The following POLR3A variants were observed in gnomAD, a reference collection of about 807,000 sequenced individuals.
The protein encoded by POLR3A is DNA-directed RNA polymerase III subunit RPC1.
POLR3A carries 112 observed loss-of-function variants against 152.8 expected under a neutral mutation model. That is an observed-to-expected ratio of 0.73 (90% confidence interval 0.63 to 0.86). The LOEUF (loss-of-function observed/expected upper bound fraction) is 0.86, where lower values mean the gene tolerates loss of function less well. Ranked by LOEUF, POLR3A falls within the 40% of genes least tolerant of loss-of-function variation. The pLI is 0.00. For missense variants in POLR3A, 1,385 were observed against 1,743.1 expected, an observed-to-expected ratio of 0.79 and a Z score of 3.66; for synonymous variants, 615 against 652.1, an observed-to-expected ratio of 0.94 and a Z score of 0.87.
intron 11 of POLR3A, 144 bp downstream of exon 11, chr10:78,013,506 T>C (rs1011229761): frequency 7.7e-6 from 6 of 781,200 alleles, no homozygotes; most frequent in Admixed American, 5.7e-5. Flanking sequence ...AAGAGAGATA[T>C]ATAGGCAGTT....
Position 78,010,512 on chromosome 10 carries a change from T to C in POLR3A, c.1601A>G (p.Asn534Ser), listed in dbSNP as rs1346351612. Residue 534 changes from asparagine to serine, a missense_variant, in exon 12 of 31, where the codon AAT becomes AGT. Around this residue, in one of 7 missense-constraint regions of POLR3A, gnomAD observed 188 missense variants for 179.9 expected, o/e 1.04. Transcript: ENST00000372371. The stretch of plus-strand genomic sequence containing the variant: ...AATAGCAGCAATCAGCGGTTCCCCA[T>C]TCCTCGGGGTTACAAGATTTGCTTT... The part of the protein sequence containing the change: ...GTKANLVTPR[N>S]GEPLIAAIQD... The C allele has an allele frequency of 6.2e-7, 1 of 1,613,978 alleles. No homozygotes were observed. The highest frequency in any genetic ancestry group is 2.2e-5 in the East Asian group (1 of 44,886).
chr10:78,024,913 AAACAG>A lies in POLR3A; in HGVS notation c.490+53_490+57del, dbSNP rs1024221823. 1.6e-5 allele frequency: 26 copies of A among 1,590,552 alleles called. No individual in the cohort carries two copies. The African/African-American group carries it at 1.7e-4, about 11-fold the overall frequency. ...GAACATTATGTAAACCTAATAAACTAAACAGAAGACAGTGAGTGAAAAGGGCTATT... is the reference window on the plus strand; with the variant it reads ...GAACATTATGTAAACCTAATAAACTAAAGACAGTGAGTGAAAAGGGCTATT... On this transcript the variant is annotated intron_variant, in intron 4 of 30. Coordinates refer to ENST00000372371, the MANE Select transcript of POLR3A (RefSeq NM_007055.4).
rs1847307543 is a variant in POLR3A at position 77,996,908 on chromosome 10, C to T, written c.2616+3073G>A. On this transcript the variant is annotated intron_variant, in intron 19 of 30. Transcript: ENST00000372371. ...CCTTGATGAACATCGATGCAAAAAT[C>T]CTCAATAAAATACTGGCAAACCGAA... Among the ~76,000 whole-genome samples, 5 of 152,224 alleles carry T rather than the reference C, an allele frequency of 3.3e-5. No individual in the cohort carries two copies. The South Asian group carries it at 1.0e-3, about 32-fold the overall frequency.
chr10:77,980,262 C>G lies in POLR3A; in HGVS notation c.3903G>C (p.Leu1301=). 1 of 1,613,964 alleles carries G rather than the reference C, an allele frequency of 6.2e-7. No individual in the cohort carries two copies. Among genetic ancestry groups the G allele is most frequent in the Non-Finnish European group, 8.5e-7 (1 of 1,179,964 alleles). The stretch of plus-strand genomic sequence containing the variant: ...TGGCCAGGCCAAACCTAGTGATGCC[C>G]AGGACTTCACCCTGCGTCAAGGGAG... ...SDLMTYKGEV[L]GITRFGLAKM... The change falls in exon 30 of 31, where the codon CTG becomes CTC. Residue 1301 remains leucine, a synonymous_variant. Coordinates refer to ENST00000372371, the MANE Select transcript of POLR3A (RefSeq NM_007055.4).
intron 15 of POLR3A, 84 bp from the exon 16 acceptor site, chr10:78,004,972 AGTTT>A: frequency 7.7e-6 from 8 of 1,032,524 alleles, no homozygotes; most frequent in Non-Finnish European, 1.2e-5. Flanking sequence ...TGCTAGATAT[AGTTT>A]GTACTATATA....
intron 3 of POLR3A, 83 bp from the exon 4 acceptor site, chr10:78,025,225 T>C: frequency 6.8e-7 from 1 of 1,469,472 alleles, no homozygotes; most frequent in Admixed American, 1.7e-5. Context: ...CGCCCTGTTT[T>C]GTACCCTTAA....
Position 77,976,912 on chromosome 10 carries a change from T to G in POLR3A, c.*566A>C, listed in dbSNP as rs1847094812. 6.5e-6 allele frequency: 1 copy of G among 154,228 alleles called. No homozygotes were observed. The highest frequency in any genetic ancestry group is 2.4e-5 in the African/African-American group (1 of 41,466). The allele number at this position is 154,228 out of a possible 1,614,324, so 9.6% of individuals were successfully genotyped here. A position where few individuals can be genotyped will look rare whatever the true frequency, so the allele number is the denominator to read the frequency against. ...AGTGACGCTTACATGCTGACTTTCT[T>G]GGTTTCTATAGATGCTTGGTTTCAA... On this transcript the variant is annotated 3_prime_UTR_variant, in exon 31 of 31. Transcript: ENST00000372371.
intron 11 of POLR3A, 62 bp downstream of exon 11, chr10:78,013,588 G>C: frequency 6.3e-7 from 1 of 1,575,962 alleles, no homozygotes; most frequent in Non-Finnish European, 8.7e-7. Context: ...TTTCATGTAA[G>C]TTTCCTTTGC....
At position 78,021,774 on chromosome 10, in the gene POLR3A, C is replaced by G. The variant is rs577764208; in HGVS notation, c.1048+86G>C. 1.7e-4 allele frequency: 280 copies of G among 1,609,024 alleles called. 1 individual carries two copies. In the African/African-American group the frequency reaches 3.3e-3, roughly 19 times the overall value. Reference sequence around the variant, plus strand: ...GGAGAGACTGAGGAAAGCCTGTGACCTCCAATCAGAGAAGCTGGACAGACA... The same window carrying G: ...GGAGAGACTGAGGAAAGCCTGTGACGTCCAATCAGAGAAGCTGGACAGACA... On this transcript the variant is annotated intron_variant, in intron 7 of 30. Coordinates refer to ENST00000372371, the MANE Select transcript of POLR3A (RefSeq NM_007055.4).
At chr10:78,004,013 A>G (rs1029653138) in intron 16 of POLR3A, among the ~76,000 whole-genome samples, 1 of 150,464 alleles carries the variant, frequency 6.6e-6, no homozygotes, top group Non-Finnish European at 1.5e-5. Context: ...AGGTGGGCAG[A>G]TCACGAGGTC....
At chr10:77,984,172 G>C (rs778516074) in intron 25 of POLR3A, 33 bp downstream of exon 25, 1 of 1,438,436 alleles carries the variant, frequency 7.0e-7, no homozygotes, top group Non-Finnish European at 9.8e-7. Context: ...TGCTGAGCTA[G>C]TTTTCTTGTT....
chr10:77,992,253 T>C (rs1360390117), intron 20 of POLR3A, among the ~76,000 whole-genome samples: 3 of 150,598 alleles, frequency 2.0e-5, no homozygotes, highest in African/African-American at 7.4e-5. Flanking sequence ...GACTTTCAAC[T>C]GAAAACAACT....
chr10:78,023,336 T>C, intron 5 of POLR3A, among the ~76,000 whole-genome samples: 1 of 152,008 alleles, frequency 6.6e-6, no homozygotes, highest in East Asian at 1.9e-4. Context: ...GGCGGGCACT[T>C]GTAGTCCCAG....
At chr10:78,025,576 AT>A (rs769207967) in intron 3 of POLR3A, 45 bp downstream of exon 3, 1 of 1,607,932 alleles carries the variant, frequency 6.2e-7, no homozygotes, top group South Asian at 1.1e-5. Context: ...TCCCTGACCA[AT>A]CACTCCAGAA....
At chr10:78,005,975 C>CAAATGA (rs911843153) in intron 15 of POLR3A, among the ~76,000 whole-genome samples, 60 of 152,208 alleles carry the variant, frequency 3.9e-4, no homozygotes, top group African/African-American at 1.3e-3. Context: ...ACAAAAGACA[C>CAAATGA]AAATGCACAG....
chr10:77,993,205 T>G lies in POLR3A; in HGVS notation c.2779A>C (p.Asn927His). ...EPLEFKRVLD[N>H]IKAVFPCPSE... is the part of the protein sequence containing the mutation. ...ATAATGCTAAATCTTACTTTGATGT[T>G]GTCCAGAACCCTTTTAAACTCCAAA... The change falls in exon 20 of 31, where the codon AAC becomes CAC. Residue 927 changes from asparagine to histidine, a missense_variant. By Grantham distance (68) the Asn-to-His change is moderately conservative. Coordinates refer to ENST00000372371, the MANE Select transcript of POLR3A (RefSeq NM_007055.4). 1 of 1,613,168 alleles carries G rather than the reference T, an allele frequency of 6.2e-7. No individual in the cohort carries two copies. Among genetic ancestry groups the G allele is most frequent in the South Asian group, 1.1e-5 (1 of 91,072 alleles).
chr10:78,026,164 A>T lies in POLR3A; in HGVS notation c.110T>A (p.Val37Glu). ...GTCCTGGCTGTACAGGTTCTTACTCACAACTTGGATGTGCGCCTGCTGGCG... is the reference window on the plus strand; with the variant it reads ...GTCCTGGCTGTACAGGTTCTTACTCTCAACTTGGATGTGCGCCTGCTGGCG... ...EMRQQAHIQV[V>E]SKNLYSQDNQ... The change falls in exon 2 of 31, where the codon GTG (valine) becomes GAG (glutamate). Residue 37 changes from valine (V) to glutamate (E), a missense_variant. Around this residue, in one of 7 missense-constraint regions of POLR3A, gnomAD observed 493 missense variants for 647.5 expected, o/e 0.76. Transcript: ENST00000372371. The T allele has an allele frequency of 6.2e-7, 1 of 1,614,210 alleles. No individual in the cohort carries two copies. The highest frequency in any genetic ancestry group is 8.5e-7 in the Non-Finnish European group (1 of 1,180,028).
chr10:78,010,108 A>G (rs1431951098), intron 12 of POLR3A, 117 bp from the exon 13 acceptor site: 2 of 1,339,212 alleles, frequency 1.5e-6, no homozygotes, highest in African/African-American at 1.5e-5. Flanking sequence ...TGAAACAAAC[A>G]GCTGCTTACT....
At chr10:78,002,963 T>C (rs982512864) in intron 16 of POLR3A, among the ~76,000 whole-genome samples, 1 of 152,218 alleles carries the variant, frequency 6.6e-6, no homozygotes, top group Non-Finnish European at 1.5e-5. Flanking sequence ...CATACAAATA[T>C]ATAAGATAAT....
Sources: allele counts gnomAD v4.1 joint callset (sites outside exome capture counted in the v4.1 genomes callset), GRCh38; gene constraint gnomAD v4.1.1; regional missense constraint gnomAD v4.1.1; transcripts MANE v1.5; gene names NCBI Gene and HGNC (gene_info 2026-07-23, HGNC 2026-07-21).